USP19: variants seen among roughly 807,000 people sequenced by gnomAD.
The protein encoded by USP19 is ubiquitin carboxyl-terminal hydrolase 19.
Under a neutral mutation model 144.8 loss-of-function variants are expected in USP19, and 40 were observed. The ratio of observed to expected loss-of-function variants is 0.28; its 90% CI spans 0.21 to 0.36. The LOEUF is 0.36. USP19 is among the 10% of genes least tolerant of loss of function. The probability of loss-of-function intolerance (pLI) is 1.00; values close to 1 mark genes in which losing one functional copy is unlikely to be tolerated. For synonymous variants in USP19, 701 were observed against 709.3 expected (o/e 0.99, Z 0.19); for missense variants, 1,518 against 1,822.5 (o/e 0.83, Z 3.04).
Position 49,118,008 on chromosome 3 carries a change from C to T in USP19, c.237G>A (p.Arg79=). Reference sequence around the variant, plus strand: ...ACCCTGACGATGAAGGAAAGAACAGCCGGGTACGGTGGCGTGAGCCTGTGA... The same window carrying T: ...ACCCTGACGATGAAGGAAAGAACAGTCGGGTACGGTGGCGTGAGCCTGTGA... The part of the protein sequence containing the change: ...AGITGSRHRT[R]LFFPSSSGSA... Residue 79 remains arginine (R), a synonymous_variant, in exon 3 of 27, where the codon CGG becomes CGA. Coordinates refer to ENST00000417901, the MANE Select transcript of USP19 (RefSeq NM_001199161.2). The T allele has an allele frequency of 6.2e-7, 1 of 1,606,768 alleles. No homozygotes were observed.
Position 49,114,916 on chromosome 3 carries a change from G to A in USP19, c.2181+43C>T, listed in dbSNP as rs772807137. On this transcript the variant is annotated intron_variant, in intron 14 of 26. Transcript: ENST00000417901. This position sits in a 1 kb window ranked among gnomAD's most constrained non-coding sequence, Gnocchi z 4.5. The stretch of plus-strand genomic sequence containing the variant: ...GAGAACCAAAGAGTACCAGGGGCTG[G>A]GATGCTCATGAGACATGCCCACCCT... 1.2e-6 allele frequency: 2 copies of A among 1,614,126 alleles called. No individual in the cohort carries two copies. The highest frequency in any genetic ancestry group is 2.2e-5 in the South Asian group (2 of 91,078).
rs1460333853 is a variant in USP19, at chr3:49,110,139, G to C, written c.4038+45C>G. Reference sequence around the variant, plus strand: ...ATATCCCCCAACCCGGCCCCAGTCTGTGAACTGTCCCCCAGTATTCTGTAA... The same window carrying C: ...ATATCCCCCAACCCGGCCCCAGTCTCTGAACTGTCCCCCAGTATTCTGTAA... On this transcript the variant is annotated intron_variant, in intron 26 of 26. Transcript: ENST00000417901. This position sits in a 1 kb window ranked among gnomAD's most constrained non-coding sequence, Gnocchi z 6.1. 4.1e-5 allele frequency: 60 copies of C among 1,471,736 alleles called. No homozygotes were observed. Among genetic ancestry groups the C allele is most frequent in the Non-Finnish European group, 5.2e-5 (58 of 1,114,546 alleles). The allele number at this position is 1,471,736 out of a possible 1,614,324, so 91.2% of individuals were successfully genotyped here.
In USP19 at chr3:49,108,091, C is replaced by A. The variant is rs1410807244; in HGVS notation, c.*321G>T. ...TTATTTTTAAAATATATTTAAACAG[C>A]AGCAGTCACTTCCAAAATGCAAAAA... is the stretch of plus-strand genomic sequence containing the variant. On this transcript the variant is annotated 3_prime_UTR_variant, in exon 27 of 27. Transcript: ENST00000417901. This position sits in a 1 kb window ranked among gnomAD's most constrained non-coding sequence, Gnocchi z 4.8. The A allele has an allele frequency of 6.5e-6, 1 of 153,250 alleles. No homozygotes were observed. Among genetic ancestry groups the A allele is most frequent in the East Asian group, 1.9e-4 (1 of 5,286 alleles). 9.5% of individuals were successfully genotyped at this position (153,250 alleles called of 1,614,324 possible). A position where few individuals can be genotyped will look rare whatever the true frequency, so the allele number is the denominator to read the frequency against.
At position 49,116,069 on chromosome 3, in the gene USP19, G is replaced by A. The variant is rs2044062147; in HGVS notation, c.1449C>T (p.Gly483=). ...GACCTCGTGCAGCCGGGGCCTCCAG[G>A]CCCCCCCAGCGCTGACTCTGCCTCT... ...LRKRQSQRWG[G]LEAPAARGAV... is the part of the protein sequence containing the mutation. The change falls in exon 10 of 27, where the codon GGC becomes GGT. Residue 483 remains glycine, a synonymous_variant. Coordinates refer to ENST00000417901, the MANE Select transcript of USP19 (RefSeq NM_001199161.2). The surrounding 1 kb of genome is among the most constrained non-coding windows in gnomAD (Gnocchi z 5.0). The A allele has an allele frequency of 6.2e-7, 1 of 1,604,124 alleles. No individual in the cohort carries two copies. Among genetic ancestry groups the A allele is most frequent in the Non-Finnish European group, 8.5e-7 (1 of 1,177,514 alleles).
At position 49,114,811 on chromosome 3, in the gene USP19, T is replaced by C. The variant is rs760743800; in HGVS notation, c.2244A>G (p.Leu748=). The change falls in exon 15 of 27, where the codon CTA becomes CTG. Residue 748 remains leucine (L), a synonymous_variant. Transcript: ENST00000417901. The surrounding 1 kb of genome is among the most constrained non-coding windows in gnomAD (Gnocchi z 4.5). ...KMRNDSFIVD[L]FQGQYKSKLV... is the part of the protein sequence containing the mutation. ...GCTTCGACTTGTACTGCCCCTGAAA[T>C]AGGTCCACGATGAAAGAGTCATTCC... 1.2e-5 allele frequency: 20 copies of C among 1,614,026 alleles called. No homozygotes were observed. The highest frequency in any genetic ancestry group is 1.6e-5 in the Non-Finnish European group (19 of 1,180,040).
rs1395643777 is a variant in USP19, at chr3:49,108,125, A to C, written c.*287T>G. 1 of 157,454 alleles carries C rather than the reference A, an allele frequency of 6.4e-6. No individual in the cohort carries two copies. Among genetic ancestry groups the C allele is most frequent in the Non-Finnish European group, 1.4e-5 (1 of 71,460 alleles). The allele number at this position is 157,454 out of a possible 1,614,324, so 9.8% of individuals were successfully genotyped here. On this transcript the variant is annotated 3_prime_UTR_variant, in exon 27 of 27. Coordinates refer to ENST00000417901, the MANE Select transcript of USP19 (RefSeq NM_001199161.2). This position sits in a 1 kb window ranked among gnomAD's most constrained non-coding sequence, Gnocchi z 4.8. Reference sequence around the variant, plus strand: ...CTTCCAAAATGCAAAAAAAATTACAATTTTTAGAATAAAATTATAATGTTT... The same window carrying C: ...CTTCCAAAATGCAAAAAAAATTACACTTTTTAGAATAAAATTATAATGTTT...
At chr3:49,109,167 C>T in intron 26 of USP19, 1 of 1,489,384 alleles carries the variant, frequency 6.7e-7, no homozygotes, top group South Asian at 1.3e-5. Flanking sequence ...GCCTCCAGCT[C>T]CTGCCAAATC....
rs1156615542 is a variant in USP19, at chr3:49,112,430, A to G, written c.2647-28T>C. 6.2e-7 allele frequency: 1 copy of G among 1,613,832 alleles called. No individual in the cohort carries two copies. The highest frequency in any genetic ancestry group is 8.5e-7 in the Non-Finnish European group (1 of 1,179,902). ...AGGGTGGGTCGTCTGGCTCAGCAAG[A>G]CCAGGAAGAAGTGCCCCACCCACCA... On this transcript the variant is annotated intron_variant, in intron 18 of 26. Transcript: ENST00000417901. This position sits in a 1 kb window ranked among gnomAD's most constrained non-coding sequence, Gnocchi z 4.9.
At position 49,119,190 on chromosome 3, in the gene USP19, C is replaced by A; in HGVS notation, c.-45G>T. On this transcript the variant is annotated 5_prime_UTR_variant, in exon 2 of 27. Coordinates refer to ENST00000417901, the MANE Select transcript of USP19 (RefSeq NM_001199161.2). ...AGCCAGAGTGCCCCGGGGTCGGCAA[C>A]AGCGTCTGGGTCAGGGCTGCGGCGC... 5.0e-6 allele frequency: 8 copies of A among 1,595,330 alleles called. No individual in the cohort carries two copies. The highest frequency in any genetic ancestry group is 6.8e-6 in the Non-Finnish European group (8 of 1,172,442).
At position 49,117,188 on chromosome 3, in the gene USP19, G is replaced by A. The variant is rs1407372888; in HGVS notation, c.780C>T (p.Pro260=). The change falls in exon 6 of 27, where the codon CCC becomes CCT. Residue 260 remains proline, a synonymous_variant. Transcript: ENST00000417901. This position sits in a 1 kb window ranked among gnomAD's most constrained non-coding sequence, Gnocchi z 4.4. ...TGGCGCTGGGCCCTGCCTGGGCCCC[G>A]GGGCCAGCCCCTGCGCCTACCTCAC... ...GRGEVGAGAG[P]GAQAGPSAKR... is the part of the protein sequence containing the mutation. The A allele has an allele frequency of 5.2e-6, 8 of 1,547,686 alleles. No individual in the cohort carries two copies. The highest frequency in any genetic ancestry group is 4.9e-5 in the East Asian group (2 of 40,888).
chr3:49,108,889 C>A lies in USP19; in HGVS notation c.4039-361G>T. On this transcript the variant is annotated intron_variant, in intron 26 of 26. Transcript: ENST00000417901. This position sits in a 1 kb window ranked among gnomAD's most constrained non-coding sequence, Gnocchi z 4.8. ...AGGCCCAAAGCCCAGAGGTGTTCCC[C>A]ACAACAAAGGCAGGCATGGCCTGGG... 1 of 1,528,506 alleles carries A rather than the reference C, an allele frequency of 6.5e-7. No homozygotes were observed. The highest frequency in any genetic ancestry group is 1.3e-5 in the South Asian group (1 of 77,550). The allele number at this position is 1,528,506 out of a possible 1,614,324, so 94.7% of individuals were successfully genotyped here.
In USP19 at chr3:49,117,087, G is replaced by T; in HGVS notation, c.881C>A (p.Pro294Gln). 5 of 1,520,644 alleles carry T rather than the reference G, an allele frequency of 3.3e-6. No homozygotes were observed. Among genetic ancestry groups the T allele is most frequent in the Non-Finnish European group, 4.4e-6 (5 of 1,130,456 alleles). 94.2% of individuals were successfully genotyped at this position (1,520,644 alleles called of 1,614,324 possible). ...RDDPGPRGDA[P>Q]PFVADPATQV... is the part of the protein sequence containing the mutation. Reference sequence around the variant, plus strand: ...GGTGGCTGGGTCAGCCACGAAGGGTGGGGCATCACCCCGGGGTCCAGGGTC... The same window carrying T: ...GGTGGCTGGGTCAGCCACGAAGGGTTGGGCATCACCCCGGGGTCCAGGGTC... Residue 294 changes from proline (P) to glutamine (Q), a missense_variant, in exon 6 of 27, where the codon CCA (proline) becomes CAA (glutamine). Physicochemically the swap from Pro to Gln is moderately conservative, Grantham distance 76. This residue lies in a region of USP19 where 707 missense variants were observed against 728.9 expected (regional missense o/e 0.97). Transcript: ENST00000417901. The surrounding 1 kb of genome is among the most constrained non-coding windows in gnomAD (Gnocchi z 4.4).
rs1334739167 is a variant in USP19, at chr3:49,115,532, A to T, written c.1800T>A (p.Thr600=). Residue 600 remains threonine (T), a synonymous_variant, in exon 12 of 27, where the codon ACT becomes ACA. Transcript: ENST00000417901. The surrounding 1 kb of genome is among the most constrained non-coding windows in gnomAD (Gnocchi z 6.6). ...AGGTGTTGCCTAAATTGACAAGGCC[A>T]GTGAAGCCTGGCAGACACACCTTCT... ...EEKKVCLPGF[T]GLVNLGNTCF... 1 of 1,614,218 alleles carries T rather than the reference A, an allele frequency of 6.2e-7. No homozygotes were observed. The highest frequency in any genetic ancestry group is 1.7e-5 in the Admixed American group (1 of 60,024).
rs762474860 is a variant in USP19 at position 49,115,604 on chromosome 3, G to C, written c.1728C>G (p.His576Gln). 2.0e-5 allele frequency: 32 copies of C among 1,610,220 alleles called. No individual in the cohort carries two copies. The highest frequency in any genetic ancestry group is 8.5e-7 in the Non-Finnish European group (1 of 1,178,114). ...CCACGCTGTCTCCACTAACTGGGCT[G>C]TGGGGCATGGGAGGCACCATGCATG... ...KPTCMVPPMP[H>Q]SPVSGDSVEE... The change falls in exon 12 of 27, where the codon CAC becomes CAG. Residue 576 changes from histidine (H) to glutamine (Q), a missense_variant. Physicochemically the swap from His to Gln is conservative, Grantham distance 24. Coordinates refer to ENST00000417901, the MANE Select transcript of USP19 (RefSeq NM_001199161.2). The surrounding 1 kb of genome is among the most constrained non-coding windows in gnomAD (Gnocchi z 6.6).
Position 49,112,334 on chromosome 3 carries a change from A to G in USP19, c.2715T>C (p.Asp905=), listed in dbSNP as rs769020212. 3.1e-6 allele frequency: 5 copies of G among 1,613,796 alleles called. No individual in the cohort carries two copies. In the African/African-American group the frequency reaches 5.3e-5, roughly 17 times the overall value. ...ACCGGGTACAGCGCTTCAGCTTTTCATCCTCCGACTGTTGCTTCCGCTGGC... is the reference window on the plus strand; with the variant it reads ...ACCGGGTACAGCGCTTCAGCTTTTCGTCCTCCGACTGTTGCTTCCGCTGGC... The part of the protein sequence containing the change: ...AACQRKQQSE[D]EKLKRCTRCY... Residue 905 remains aspartate, a synonymous_variant, in exon 19 of 27, where the codon GAT becomes GAC. Transcript: ENST00000417901. The surrounding 1 kb of genome is among the most constrained non-coding windows in gnomAD (Gnocchi z 4.9).
chr3:49,116,666 C>T lies in USP19; in HGVS notation c.1127-59G>A. On this transcript the variant is annotated intron_variant, in intron 7 of 26. Transcript: ENST00000417901. This position sits in a 1 kb window ranked among gnomAD's most constrained non-coding sequence, Gnocchi z 5.0. ...ACAGGTTCCAGCCTATTGCTACTCT[C>T]TATCCACCTACAAACTTTGCAACCC... 6.2e-7 allele frequency: 1 copy of T among 1,610,284 alleles called. No individual in the cohort carries two copies. Among genetic ancestry groups the T allele is most frequent in the Non-Finnish European group, 8.5e-7 (1 of 1,177,560 alleles).
In USP19 at chr3:49,114,244, G is replaced by A; in HGVS notation, c.2333C>T (p.Pro778Leu). ...TFDPFLYLPV[P>L]LPQKQKVLPV... Reference sequence around the variant, plus strand: ...GAGAACCTTTTGCTTTTGTGGCAAGGGCACCGGCAGATAAAGAAACGGGTC... The same window carrying A: ...GAGAACCTTTTGCTTTTGTGGCAAGAGCACCGGCAGATAAAGAAACGGGTC... The change falls in exon 16 of 27, where the codon CCC becomes CTC. Residue 778 changes from proline to leucine, a missense_variant. Physicochemically the swap from Pro to Leu is moderately conservative, Grantham distance 98. Coordinates refer to ENST00000417901, the MANE Select transcript of USP19 (RefSeq NM_001199161.2). The surrounding 1 kb of genome is among the most constrained non-coding windows in gnomAD (Gnocchi z 4.5). The A allele has an allele frequency of 6.2e-7, 1 of 1,614,202 alleles. No individual in the cohort carries two copies. Among genetic ancestry groups the A allele is most frequent in the Non-Finnish European group, 8.5e-7 (1 of 1,180,040 alleles).
chr3:49,117,741 T>C lies in USP19; in HGVS notation c.388A>G (p.Lys130Glu). The C allele has an allele frequency of 1.2e-6, 2 of 1,614,148 alleles. No homozygotes were observed. The highest frequency in any genetic ancestry group is 1.1e-5 in the South Asian group (1 of 91,080). The stretch of plus-strand genomic sequence containing the variant: ...AGGGGACCTACTCCCACACGAAGCT[T>C]GACAATCACCTCTTCTGCACTCTGC... ...WRQSAEEVIVKLRVGVGPLQL... is the reference protein window; with the variant it reads ...WRQSAEEVIVELRVGVGPLQL... Residue 130 changes from lysine (K) to glutamate (E), a missense_variant, in exon 4 of 27, where the codon AAG becomes GAG. Coordinates refer to ENST00000417901, the MANE Select transcript of USP19 (RefSeq NM_001199161.2). The surrounding 1 kb of genome is among the most constrained non-coding windows in gnomAD (Gnocchi z 4.4).
Position 49,109,203 on chromosome 3 carries a change from G to A in USP19, c.4039-675C>T, listed in dbSNP as rs375714177. On this transcript the variant is annotated intron_variant, in intron 26 of 26. Transcript: ENST00000417901. ...CGGGAAGCCTAGGGTATGTGGAAAC[G>A]GCCATCAGCACCCCGGGGGTGGGGA... 81 of 1,459,250 alleles carry A rather than the reference G, an allele frequency of 5.6e-5. 1 individual carries two copies. Among genetic ancestry groups the A allele is most frequent in the Middle Eastern group, 5.4e-4 (3 of 5,540 alleles). 90.4% of individuals were successfully genotyped at this position (1,459,250 alleles called of 1,614,324 possible).
Sources: allele counts gnomAD v4.1 joint callset, GRCh38; gene constraint gnomAD v4.1.1; regional missense constraint gnomAD v4.1.1; non-coding constraint Gnocchi (gnomAD v3.1); transcripts MANE v1.5; gene names NCBI Gene and HGNC (gene_info 2026-07-23, HGNC 2026-07-21).